Variants in ARHGAP10 observed in about 807,000 individuals in gnomAD.
ARHGAP10 encodes the protein Rho GTPase activating protein 10, also known as rho GTPase-activating protein 10.
A neutral mutation model predicts 108.6 loss-of-function variants in ARHGAP10; 87 were observed. The observed-to-expected ratio is 0.80, with a 90% CI of 0.67 to 0.96. The LOEUF is 0.96. ARHGAP10 is among the 40% of genes least tolerant of loss of function. ARHGAP10 has a pLI of 0.00. For missense variants in ARHGAP10, 939 were observed against 954.5 expected, an observed-to-expected ratio of 0.98 and a Z score of 0.21; for synonymous variants, 347 against 341.1, an observed-to-expected ratio of 1.02 and a Z score of -0.19.
At chr4:147,893,456 C>A (rs1173316051) in intron 10 of ARHGAP10, among the ~76,000 whole-genome samples, 1 of 141,628 alleles carries the variant, frequency 7.1e-6, no homozygotes, top group East Asian at 2.0e-4. Flanking sequence ...ATTATTCTCT[C>A]TATATATAAT....
intron 3 of ARHGAP10, among the ~76,000 whole-genome samples, chr4:147,842,080 C>T (rs970197620): frequency 9.2e-5 from 14 of 152,030 alleles, no homozygotes; most frequent in African/African-American, 2.4e-4. Flanking sequence ...ATTACAGGTG[C>T]CTGCCACCAT....
At chr4:147,830,512 CT>C (rs56946602) in intron 3 of ARHGAP10, among the ~76,000 whole-genome samples, 70 of 102,278 alleles carry the variant, frequency 6.8e-4, no homozygotes, top group African/African-American at 2.6e-3. Context: ...ACCACAATTC[CT>C]TTTTTTTTTT....
At chr4:147,876,934 A>G (rs182005725) in intron 8 of ARHGAP10, among the ~76,000 whole-genome samples, 48 of 152,306 alleles carry the variant, frequency 3.2e-4, no homozygotes, top group Non-Finnish European at 5.9e-5. Flanking sequence ...TCATACAACT[A>G]CTAAATGCTG....
chr4:147,744,318 A>G (rs1328126681), intron 1 of ARHGAP10, among the ~76,000 whole-genome samples: 1 of 147,786 alleles, frequency 6.8e-6, no homozygotes, highest in African/African-American at 2.5e-5. Context: ...CATCCTGTGG[A>G]TGGAAAAATG....
intron 16 of ARHGAP10, 68 bp downstream of exon 16, chr4:147,955,442 C>A: frequency 7.2e-7 from 1 of 1,388,300 alleles, no homozygotes; most frequent in Middle Eastern, 1.8e-4. Flanking sequence ...GAAAAATTTC[C>A]ATATGAAAAA....
intron 20 of ARHGAP10, among the ~76,000 whole-genome samples, chr4:148,056,919 T>G (rs778101122): frequency 2.0e-5 from 3 of 152,206 alleles, no homozygotes; most frequent in Non-Finnish European, 4.4e-5. Flanking sequence ...ATTGACTGCT[T>G]GCTATGCTTC....
intron 12 of ARHGAP10, among the ~76,000 whole-genome samples, chr4:147,911,420 G>T (rs116166388): frequency 0.018 from 2,738 of 152,194 alleles, 77 homozygotes; most frequent in African/African-American, 0.063. Context: ...TGCAGTGCAG[G>T]GGCGCAATTT....
intron 18 of ARHGAP10, among the ~76,000 whole-genome samples, chr4:148,005,429 AC>A (rs1304766685): frequency 3.9e-5 from 6 of 152,194 alleles, no homozygotes; most frequent in African/African-American, 9.6e-5. Context: ...ATTTAAAAAA[AC>A]ATATATAGAA....
intron 1 of ARHGAP10, among the ~76,000 whole-genome samples, chr4:147,785,450 T>G (rs1730851825): frequency 6.6e-6 from 1 of 152,156 alleles, no homozygotes; most frequent in Non-Finnish European, 1.5e-5. Context: ...ATCAATAGTG[T>G]GTAACTTTTA....
intron 19 of ARHGAP10, among the ~76,000 whole-genome samples, chr4:148,044,968 A>G (rs562506661): frequency 1.3e-5 from 2 of 152,330 alleles, no homozygotes; most frequent in East Asian, 3.9e-4. Flanking sequence ...TGAAAGAGCA[A>G]TCATAGTCTT....
intron 13 of ARHGAP10, among the ~76,000 whole-genome samples, chr4:147,936,010 A>G (rs1737916818): frequency 6.6e-6 from 1 of 152,144 alleles, no homozygotes; most frequent in African/African-American, 2.4e-5. Flanking sequence ...TTCTTATTTC[A>G]TCTCTCCATA....
intron 3 of ARHGAP10, among the ~76,000 whole-genome samples, chr4:147,824,777 G>C (rs1732638401): frequency 6.6e-6 from 1 of 152,186 alleles, no homozygotes; most frequent in African/African-American, 2.4e-5. Context: ...ACCTGGTCCT[G>C]CCCTTGACAT....
chr4:147,940,204 A>G (rs1305755559), intron 14 of ARHGAP10, among the ~76,000 whole-genome samples: 1 of 152,206 alleles, frequency 6.6e-6, no homozygotes, highest in East Asian at 1.9e-4. Flanking sequence ...TGGCTTCCAA[A>G]TAGCCTGTCC....
chr4:147,751,813 G>T (rs1394033725), intron 1 of ARHGAP10, among the ~76,000 whole-genome samples: 1 of 151,636 alleles, frequency 6.6e-6, no homozygotes, highest in Non-Finnish European at 1.5e-5. Flanking sequence ...TAGAGAGGTT[G>T]ACATTTGCCC....
intron 1 of ARHGAP10, among the ~76,000 whole-genome samples, chr4:147,748,074 T>C (rs1271801831): frequency 6.6e-6 from 1 of 152,196 alleles, no homozygotes; most frequent in East Asian, 1.9e-4. Flanking sequence ...AGTGCTGAGG[T>C]TGAGAAACTC....
At chr4:148,013,626 T>A (rs1418257733) in intron 18 of ARHGAP10, among the ~76,000 whole-genome samples, 1 of 152,146 alleles carries the variant, frequency 6.6e-6, no homozygotes, top group Non-Finnish European at 1.5e-5. Flanking sequence ...AGACGGAGCT[T>A]GCAGTGAGCT....
At chr4:148,063,442 C>G (rs1174543226) in intron 21 of ARHGAP10, 142 bp downstream of exon 21, 50 of 1,162,486 alleles carry the variant, frequency 4.3e-5, no homozygotes, top group Non-Finnish European at 5.7e-5. Context: ...ACAGCACTTA[C>G]CACCTTGTAT....
chr4:147,983,727 G>A (rs1168792136), intron 18 of ARHGAP10, among the ~76,000 whole-genome samples: 1 of 151,866 alleles, frequency 6.6e-6, no homozygotes, highest in Non-Finnish European at 1.5e-5. Flanking sequence ...TCTTGTCTTG[G>A]ATTTCAATTT....
At chr4:147,824,910 A>G (rs936390060) in intron 3 of ARHGAP10, among the ~76,000 whole-genome samples, 2 of 152,158 alleles carry the variant, frequency 1.3e-5, no homozygotes, top group Admixed American at 1.3e-4. Flanking sequence ...TCTCACATCA[A>G]CCCTATGAGA....
Sources: allele counts gnomAD v4.1 joint callset (sites outside exome capture counted in the v4.1 genomes callset), GRCh38; gene constraint gnomAD v4.1.1; transcripts MANE v1.5; gene names NCBI Gene and HGNC (gene_info 2026-07-23, HGNC 2026-07-21).